WDR36: variants seen among roughly 807,000 people sequenced by gnomAD.
The protein encoded by WDR36 is WD repeat domain 36.
A neutral mutation model predicts 112.7 loss-of-function variants in WDR36; 63 were observed. That is an observed-to-expected ratio of 0.56 (90% CI 0.46 to 0.69). The LOEUF is 0.69. WDR36 is among the 30% of genes least tolerant of loss of function. The pLI is 0.00. For synonymous variants in WDR36, 410 were observed against 362.2 expected (o/e 1.13, Z -1.50); for missense variants, 1,226 against 1,070.3 (o/e 1.15, Z -2.03).
intron 18 of WDR36, 87 bp from the exon 19 acceptor site, chr5:111,120,909 T>C (rs1339943439): frequency 6.0e-6 from 7 of 1,158,008 alleles, no homozygotes; most frequent in African/African-American, 1.5e-5. Flanking sequence ...TAAATGAACA[T>C]GTTATGAAAT....
intron 12 of WDR36, among the ~76,000 whole-genome samples, chr5:111,108,566 A>T (rs893881323): frequency 6.6e-6 from 1 of 151,344 alleles, no homozygotes; most frequent in Non-Finnish European, 1.5e-5. Context: ...ACATTTACCT[A>T]CATAGTTTTG....
intron 1 of WDR36, among the ~76,000 whole-genome samples, chr5:111,094,060 G>A (rs1248302433): frequency 6.6e-6 from 1 of 152,136 alleles, no homozygotes; most frequent in Non-Finnish European, 1.5e-5. Context: ...ATGAACCTAA[G>A]TCACTAATTG....
chr5:111,096,579 C>A (rs1439776508), intron 2 of WDR36, among the ~76,000 whole-genome samples: 5 of 152,024 alleles, frequency 3.3e-5, no homozygotes, highest in Non-Finnish European at 4.4e-5. Context: ...TGGTGCACTC[C>A]TATAATCCCA....
At chr5:111,093,552 G>C (rs181281397) in intron 1 of WDR36, among the ~76,000 whole-genome samples, 1 of 152,296 alleles carries the variant, frequency 6.6e-6, no homozygotes, top group Non-Finnish European at 1.5e-5. Context: ...GCTGGTAATG[G>C]AGACAGGGTG....
chr5:111,109,756 T>G (rs1413820119), intron 12 of WDR36, among the ~76,000 whole-genome samples: 1 of 151,424 alleles, frequency 6.6e-6, no homozygotes, highest in East Asian at 1.9e-4. Flanking sequence ...TTTTGGGCTT[T>G]TGCTTGGCCA....
chr5:111,092,596 G>A lies in WDR36; in HGVS notation c.140G>A (p.Gly47Asp), dbSNP rs140690485. ...CGGTTCTATGTAACAACCTGCGTGG[G>A]CAAGAGTTTCCACACCTATGACGTG... is the stretch of plus-strand genomic sequence containing the variant. ...KRRFYVTTCV[G>D]KSFHTYDVQK... Residue 47 changes from glycine to aspartate, a missense_variant, in exon 1 of 23, where the codon GGC becomes GAC. Coordinates refer to ENST00000513710, the MANE Select transcript of WDR36 (RefSeq NM_139281.3). The A allele has an allele frequency of 1.1e-4, 175 of 1,613,616 alleles. No homozygotes were observed. The East Asian group carries it at 3.7e-3, about 34-fold the overall frequency.
intron 9 of WDR36, 45 bp downstream of exon 9, chr5:111,104,862 A>C (rs1753193622): frequency 1.2e-6 from 2 of 1,608,330 alleles, no homozygotes; most frequent in South Asian, 1.1e-5. Context: ...GCAAGTATTG[A>C]GATGTGGGTG....
chr5:111,114,157 C>T (rs931114146), intron 16 of WDR36, among the ~76,000 whole-genome samples: 2 of 152,042 alleles, frequency 1.3e-5, no homozygotes, highest in Non-Finnish European at 2.9e-5. Context: ...CAGAATGTGT[C>T]GGCTTTGTTG....
Position 111,097,187 on chromosome 5 carries a change from T to A in WDR36, c.291+8T>A, listed in dbSNP as rs750338506. The A allele has an allele frequency of 5.6e-6, 9 of 1,596,384 alleles. No individual in the cohort carries two copies. Among genetic ancestry groups the A allele is most frequent in the Non-Finnish European group, 7.7e-6 (9 of 1,164,420 alleles). ...TTTGCCCGTAATAAAGAGGTTGGTA[T>A]CGCTAAACTACTTGTTTGTCAGTCA... On this transcript the variant is annotated splice_region_variant and intron_variant, in intron 3 of 22. Transcript: ENST00000513710.
rs1752887589 is a variant in WDR36, at chr5:111,092,549, G to A, written c.93G>A (p.Val31=). 1.9e-6 allele frequency: 3 copies of A among 1,614,230 alleles called. No homozygotes were observed. The South Asian group carries it at 3.3e-5, about 18-fold the overall frequency. The change falls in exon 1 of 23, where the codon GTG becomes GTA. Residue 31 remains valine (V), a synonymous_variant. Coordinates refer to ENST00000513710, the MANE Select transcript of WDR36 (RefSeq NM_139281.3). ...GLFSNDIPHV[V]RFSALKRRFY... ...TCAGCAACGACATTCCACACGTGGT[G>A]CGGTTCAGCGCGCTCAAGCGCCGGT...
At chr5:111,106,169 A>G (rs1161830080) in intron 11 of WDR36, 26 bp downstream of exon 11, 1 of 1,571,278 alleles carries the variant, frequency 6.4e-7, no homozygotes, top group Middle Eastern at 1.7e-4. Flanking sequence ...CTGTGTTTTG[A>G]GAAGTTCTCC....
Position 111,126,925 on chromosome 5 carries a change from G to A in WDR36, c.*42G>A. On this transcript the variant is annotated 3_prime_UTR_variant, in exon 23 of 23. Transcript: ENST00000513710. ...AAACAAAGACTTTCATATTAAATGG[G>A]TTCAATTGAACTCATTTCTTATTTT... 1 of 1,518,020 alleles carries A rather than the reference G, an allele frequency of 6.6e-7. No individual in the cohort carries two copies. The highest frequency in any genetic ancestry group is 2.0e-4 in the Middle Eastern group (1 of 4,984). 94.0% of individuals were successfully genotyped at this position (1,518,020 alleles called of 1,614,324 possible). A position where few individuals can be genotyped will look rare whatever the true frequency, so the allele number is the denominator to read the frequency against.
rs372059163 is a variant in WDR36, at chr5:111,107,405, C to G, written c.1292C>G (p.Pro431Arg). 101 of 1,610,036 alleles carry G rather than the reference C, an allele frequency of 6.3e-5. No individual in the cohort carries two copies. The highest frequency in any genetic ancestry group is 1.7e-4 in the Middle Eastern group (1 of 6,056). ...KSTIGAYFLK[P>R]KELKKDDITA... is the part of the protein sequence containing the mutation. ...ACAATAGGCGCTTACTTTCTCAAGC[C>G]AAAAGAGTTGAAGAAAGATGACATA... Residue 431 changes from proline (P) to arginine (R), a missense_variant, in exon 12 of 23, where the codon CCA becomes CGA. Pro to Arg is a moderately radical substitution (Grantham distance 103, BLOSUM62 -2). Coordinates refer to ENST00000513710, the MANE Select transcript of WDR36 (RefSeq NM_139281.3).
intron 6 of WDR36, among the ~76,000 whole-genome samples, chr5:111,102,890 C>T (rs1285107680): frequency 6.6e-6 from 1 of 151,576 alleles, no homozygotes; most frequent in Non-Finnish European, 1.5e-5. Context: ...GAATGCATGT[C>T]TACAGCGAAT....
chr5:111,111,130 G>C, intron 14 of WDR36, 40 bp from the exon 15 acceptor site: 1 of 1,596,844 alleles, frequency 6.3e-7, no homozygotes, highest in Non-Finnish European at 8.6e-7. Flanking sequence ...TTAGTTCAAG[G>C]GTTTTTTGTT....
intron 11 of WDR36, among the ~76,000 whole-genome samples, chr5:111,106,352 C>T (rs1007601152): frequency 6.6e-6 from 1 of 151,460 alleles, no homozygotes; most frequent in African/African-American, 2.4e-5. Flanking sequence ...AGGCTTTGCT[C>T]TTCTGTATAA....
chr5:111,096,893 TA>T, intron 2 of WDR36, 185 bp from the exon 3 acceptor site: 1 of 496,984 alleles, frequency 2.0e-6, no homozygotes. Context: ...TTCCTATCCT[TA>T]GTTTGATAGT....
Position 111,094,920 on chromosome 5 carries a change from G to T in WDR36, c.163G>T (p.Val55Phe), listed in dbSNP as rs764874641. The T allele has an allele frequency of 6.2e-7, 1 of 1,604,048 alleles. No individual in the cohort carries two copies. The highest frequency in any genetic ancestry group is 1.1e-5 in the South Asian group (1 of 89,916). The change falls in exon 2 of 23, where the codon GTT (valine) becomes TTT (phenylalanine). Residue 55 changes from valine to phenylalanine, a missense_variant and splice_region_variant. Coordinates refer to ENST00000513710, the MANE Select transcript of WDR36 (RefSeq NM_139281.3). ...TTAACCTTTTTTCTTTTTTAAACAG[G>T]TTCAGAAACTTAGTCTGGTTGCAGT... is the stretch of plus-strand genomic sequence containing the variant. Reference protein sequence around the residue: ...CVGKSFHTYDVQKLSLVAVSN... With the variant: ...CVGKSFHTYDFQKLSLVAVSN...
chr5:111,108,448 AT>A (rs1327665435), intron 12 of WDR36, among the ~76,000 whole-genome samples: 2 of 151,316 alleles, frequency 1.3e-5, no homozygotes, highest in Non-Finnish European at 3.0e-5. Context: ...TTTTATACAA[AT>A]TGCATTGTAA....
Sources: allele counts gnomAD v4.1 joint callset (sites outside exome capture counted in the v4.1 genomes callset), GRCh38; gene constraint gnomAD v4.1.1; transcripts MANE v1.5; gene names NCBI Gene and HGNC (gene_info 2026-07-23, HGNC 2026-07-21).